Variants in FOXP1 observed in about 807,000 individuals in gnomAD.
The protein encoded by FOXP1 is forkhead box protein P1.
FOXP1 carries 15 observed loss-of-function variants against 98.2 expected under a neutral mutation model. The observed-to-expected ratio is 0.15, with a 90% CI of 0.10 to 0.24. FOXP1 has a LOEUF of 0.24. Among genes scored for constraint, FOXP1 ranks in the 10% least tolerant of loss-of-function variants. FOXP1 has a pLI of 1.00. For missense variants in FOXP1, 633 were observed against 848.5 expected (o/e 0.75, Z 3.15); for synonymous variants, 371 against 314.5 (o/e 1.18, Z -1.90).
chr3:71,438,742 GAA>G (rs766986643), intron 3 of FOXP1, among the ~76,000 whole-genome samples: 3 of 125,872 alleles, frequency 2.4e-5, no homozygotes, highest in African/African-American at 8.6e-5. Context: ...CTAATTTGGA[GAA>G]AAAAAAAAAA....
rs554325574 is a variant in FOXP1, at chr3:71,001,125, G to C, written c.975-66C>G. ...ACAAAAAGGAAAATATAAGTTACCA[G>C]GATGTTTAAGCATAAACTAGGCAGC... is the stretch of plus-strand genomic sequence containing the variant. On this transcript the variant is annotated intron_variant, in intron 12 of 20. Transcript: ENST00000649528. The C allele has an allele frequency of 7.8e-6, 10 of 1,283,684 alleles. No homozygotes were observed. In the South Asian group the frequency reaches 1.2e-4, roughly 15 times the overall value. The allele number at this position is 1,283,684 out of a possible 1,614,324, so 79.5% of individuals were successfully genotyped here. A position where few individuals can be genotyped will look rare whatever the true frequency, so the allele number is the denominator to read the frequency against.
At chr3:71,103,105 T>G (rs1405776102) in intron 7 of FOXP1, among the ~76,000 whole-genome samples, 1 of 152,212 alleles carries the variant, frequency 6.6e-6, no homozygotes, top group Non-Finnish European at 1.5e-5. Flanking sequence ...GTAAACTGTT[T>G]AATTTTTCTA....
At chr3:71,234,672 T>C (rs2066624272) in intron 5 of FOXP1, among the ~76,000 whole-genome samples, 1 of 152,236 alleles carries the variant, frequency 6.6e-6, no homozygotes, top group Non-Finnish European at 1.5e-5. Flanking sequence ...TCTCCAGTTA[T>C]GCACAGGACA....
intron 6 of FOXP1, among the ~76,000 whole-genome samples, chr3:71,167,788 G>T (rs1305723571): frequency 6.6e-6 from 1 of 152,058 alleles, no homozygotes; most frequent in African/African-American, 2.4e-5. Context: ...GCGGTCCATG[G>T]GTACAATGAT....
intron 6 of FOXP1, among the ~76,000 whole-genome samples, chr3:71,182,334 G>T (rs1416099358): frequency 2.6e-5 from 4 of 151,936 alleles, no homozygotes; most frequent in Non-Finnish European, 5.9e-5. Flanking sequence ...CTTGTTCAAG[G>T]TGCAGGTATT....
intron 2 of FOXP1, among the ~76,000 whole-genome samples, chr3:71,577,365 G>A (rs1475227852): frequency 6.6e-6 from 1 of 151,314 alleles, no homozygotes; most frequent in African/African-American, 2.4e-5. Flanking sequence ...TTAGGTTAGC[G>A]ACACAAGCCA....
chr3:71,442,647 G>A (rs1481754588), intron 3 of FOXP1, among the ~76,000 whole-genome samples: 1 of 152,060 alleles, frequency 6.6e-6, no homozygotes, highest in Non-Finnish European at 1.5e-5. Context: ...TCCATTCCAT[G>A]GTCTTGGTTT....
At chr3:71,051,207 T>G (rs1268482247) in intron 9 of FOXP1, among the ~76,000 whole-genome samples, 2 of 152,238 alleles carry the variant, frequency 1.3e-5, no homozygotes, top group Non-Finnish European at 2.9e-5. Context: ...AGATTTACAT[T>G]TTAGACACTT....
chr3:71,406,405 G>GTATGTATATATATATATATATA (rs2082336447), intron 3 of FOXP1, among the ~76,000 whole-genome samples: 15 of 105,944 alleles, frequency 1.4e-4, no homozygotes, highest in Non-Finnish European at 2.9e-4. Context: ...AACTGTATGT[G>GTATGTATATATATATATATATA]TATATATATA....
At chr3:71,237,189 G>T (rs1463990363) in intron 5 of FOXP1, among the ~76,000 whole-genome samples, 2 of 110,014 alleles carry the variant, frequency 1.8e-5, no homozygotes, top group Non-Finnish European at 3.3e-5. Context: ...CTGAGATTAT[G>T]CCACTGCACT....
At chr3:71,274,653 C>T (rs2107331383) in intron 5 of FOXP1, among the ~76,000 whole-genome samples, 1 of 152,276 alleles carries the variant, frequency 6.6e-6, no homozygotes, top group Middle Eastern at 3.4e-3. Context: ...CACAGTGATC[C>T]ACGGAGGTGG....
chr3:70,991,641 G>T (rs991739466), intron 13 of FOXP1, among the ~76,000 whole-genome samples: 5 of 152,166 alleles, frequency 3.3e-5, no homozygotes, highest in African/African-American at 4.8e-5. Flanking sequence ...CTTTGTATGT[G>T]TAAAAATGCT....
At chr3:71,073,456 A>G (rs1342522002) in intron 7 of FOXP1, among the ~76,000 whole-genome samples, 1 of 152,198 alleles carries the variant, frequency 6.6e-6, no homozygotes, top group African/African-American at 2.4e-5. Context: ...TCTTACGACA[A>G]CCTATGAAAC....
chr3:71,384,112 G>A (rs1035783392), intron 3 of FOXP1, among the ~76,000 whole-genome samples: 1 of 152,120 alleles, frequency 6.6e-6, no homozygotes, highest in Non-Finnish European at 1.5e-5. Flanking sequence ...CCAGTTATGT[G>A]GGAGGCTGAG....
chr3:71,447,633 G>A (rs1370560372), intron 3 of FOXP1, among the ~76,000 whole-genome samples: 1 of 152,186 alleles, frequency 6.6e-6, no homozygotes, highest in Non-Finnish European at 1.5e-5. Context: ...CACGCTAGCA[G>A]CATGGTTCTT....
At chr3:71,176,900 A>G (rs1010939634) in intron 6 of FOXP1, among the ~76,000 whole-genome samples, 1 of 151,956 alleles carries the variant, frequency 6.6e-6, no homozygotes, top group African/African-American at 2.4e-5. Flanking sequence ...CATCTCTACT[A>G]AAAATACAAA....
chr3:71,379,995 G>A (rs934478257), intron 3 of FOXP1, among the ~76,000 whole-genome samples: 1 of 152,186 alleles, frequency 6.6e-6, no homozygotes, highest in Non-Finnish European at 1.5e-5. Flanking sequence ...GATTGCAGGG[G>A]ATATAGAAGC....
chr3:71,362,176 CATTT>C (rs1472841291), intron 3 of FOXP1, among the ~76,000 whole-genome samples: 2 of 152,002 alleles, frequency 1.3e-5, no homozygotes, highest in Non-Finnish European at 2.9e-5. Flanking sequence ...ATTATTTATT[CATTT>C]ATTTATTTTT....
At chr3:71,323,900 T>C (rs1403026547) in intron 4 of FOXP1, among the ~76,000 whole-genome samples, 1 of 152,196 alleles carries the variant, frequency 6.6e-6, no homozygotes, top group African/African-American at 2.4e-5. Flanking sequence ...GCACTACCAG[T>C]TATATAAATT....
Sources: gnomAD v4.1 joint callset for allele counts (sites outside exome capture counted in the v4.1 genomes callset) on GRCh38, gnomAD v4.1.1 for gene constraint, MANE v1.5 for transcripts, NCBI Gene and HGNC (gene_info 2026-07-23, HGNC 2026-07-21) for gene names.